AGBL1: variants seen among roughly 807,000 people sequenced by gnomAD.
AGBL1 encodes the protein AGBL carboxypeptidase 1, also known as cytosolic carboxypeptidase 4.
In AGBL1, 130 loss-of-function variants were observed where a neutral mutation model predicts 118.9. The observed-to-expected ratio is 1.09, with a 90% CI of 0.95 to 1.26. The LOEUF (loss-of-function observed/expected upper bound fraction) is 1.26. AGBL1 is among the 50% of genes most tolerant of loss of function. AGBL1 has a pLI of 0.00. For missense variants in AGBL1, 1,584 were observed against 1,298.1 expected, an observed-to-expected ratio of 1.22 and a Z score of -3.38; for synonymous variants, 555 against 478.9, an observed-to-expected ratio of 1.16 and a Z score of -2.08.
chr15:86,771,345 G>A (rs1036416030), intron 22 of AGBL1, among the ~76,000 whole-genome samples: 10 of 151,956 alleles, frequency 6.6e-5, no homozygotes, highest in African/African-American at 2.4e-4. Context: ...AAGGAAAAAG[G>A]GTTCAAAGTA....
chr15:86,625,386 T>G lies in AGBL1; in HGVS notation c.2995-48887T>G, dbSNP rs1167812086. Among the ~76,000 whole-genome samples, 316 of 44,866 alleles carry G rather than the reference T, an allele frequency of 7.0e-3. 6 individuals are homozygous for G. The highest frequency in any genetic ancestry group is 0.019 in the African/African-American group (290 of 15,220). The allele number at this position is 44,866 out of a possible 152,430, so 29.4% of individuals were successfully genotyped here. ...TAGCGTTTTTTTTTTTTTGTTTTTG[T>G]TTTTTTTTTTTTTTACAAACACAGA... On this transcript the variant is annotated intron_variant, in intron 21 of 22. Coordinates refer to ENST00000614907, the MANE Select transcript of AGBL1 (RefSeq NM_001386094.1).
chr15:86,101,879 A>T (rs1158348507), intron 1 of AGBL1, among the ~76,000 whole-genome samples: 1 of 152,092 alleles, frequency 6.6e-6, no homozygotes, highest in Non-Finnish European at 1.5e-5. Flanking sequence ...CAAGATTGTT[A>T]TTGATATGTG....
chr15:86,640,109 C>A (rs575358489), intron 21 of AGBL1, among the ~76,000 whole-genome samples: 12 of 152,232 alleles, frequency 7.9e-5, no homozygotes, highest in African/African-American at 2.9e-4. Context: ...TCAGCACCAT[C>A]ATCATCATCC....
chr15:86,094,215 G>T (rs1049864997), intron 1 of AGBL1, among the ~76,000 whole-genome samples: 1 of 151,962 alleles, frequency 6.6e-6, no homozygotes, highest in East Asian at 1.9e-4. Flanking sequence ...ATTAATTTTC[G>T]ACCAAAACTC....
Position 86,630,633 on chromosome 15 carries a change from C to T in AGBL1, c.2995-43640C>T, listed in dbSNP as rs1036517261. ...AGTTGTCTTAATTCCTTTCCCTTCT[C>T]TCACCTGAGCCAGAGGTGCATTTCA... On this transcript the variant is annotated intron_variant, in intron 21 of 22. Coordinates refer to ENST00000614907, the MANE Select transcript of AGBL1 (RefSeq NM_001386094.1). 2.0e-5 allele frequency: 3 copies of T among 152,384 alleles called. No homozygotes were observed. In the East Asian group the frequency reaches 5.8e-4, roughly 29 times the overall value. The allele number at this position is 152,384 out of a possible 1,614,324, so 9.4% of individuals were successfully genotyped here.
intron 17 of AGBL1, among the ~76,000 whole-genome samples, chr15:86,322,479 A>T (rs567341389): frequency 6.6e-6 from 1 of 152,288 alleles, no homozygotes; most frequent in South Asian, 2.1e-4. Flanking sequence ...GGGGACCAAT[A>T]CATGAAATTT....
chr15:86,926,211 C>A (rs2080537786), intron 23 of AGBL1, among the ~76,000 whole-genome samples: 1 of 152,176 alleles, frequency 6.6e-6, no homozygotes, highest in Admixed American at 6.5e-5. Context: ...CCTCTCCTTT[C>A]TATCTGCTGC....
At chr15:86,334,870 T>C (rs2080335492) in intron 17 of AGBL1, among the ~76,000 whole-genome samples, 1 of 151,662 alleles carries the variant, frequency 6.6e-6, no homozygotes, top group African/African-American at 2.4e-5. Flanking sequence ...ACCAAGACGA[T>C]GAAAGAAGCA....
chr15:86,895,410 T>A (rs192812517), intron 22 of AGBL1, among the ~76,000 whole-genome samples: 2,064 of 151,634 alleles, frequency 0.014, 50 homozygotes, highest in African/African-American at 0.048. Context: ...TTTTTTTTTT[T>A]AATTATTTTT....
intron 18 of AGBL1, among the ~76,000 whole-genome samples, chr15:86,479,704 A>C (rs903468091): frequency 6.6e-6 from 1 of 152,210 alleles, no homozygotes; most frequent in African/African-American, 2.4e-5. Flanking sequence ...AGAACTAGAA[A>C]TACCATTTGA....
intron 17 of AGBL1, among the ~76,000 whole-genome samples, chr15:86,300,123 A>G (rs1269940285): frequency 6.6e-6 from 1 of 152,130 alleles, no homozygotes; most frequent in Non-Finnish European, 1.5e-5. Context: ...ACATATTCCC[A>G]GATACCCCTC....
chr15:86,748,724 A>G (rs1033331158), intron 22 of AGBL1, among the ~76,000 whole-genome samples: 21 of 151,828 alleles, frequency 1.4e-4, no homozygotes, highest in Admixed American at 9.2e-4. Context: ...AGCTTTCTAC[A>G]TATGGCTAGT....
intron 1 of AGBL1, among the ~76,000 whole-genome samples, chr15:86,093,415 C>G (rs1896159666): frequency 1.3e-5 from 2 of 152,016 alleles, no homozygotes; most frequent in South Asian, 2.1e-4. Flanking sequence ...GGGTAAACAC[C>G]AGAAGAAATA....
At chr15:86,968,738 C>A (rs972113095) in intron 23 of AGBL1, among the ~76,000 whole-genome samples, 1 of 151,880 alleles carries the variant, frequency 6.6e-6, no homozygotes, top group East Asian at 1.9e-4. Context: ...ATGGCTTAGA[C>A]TAGGTAATTT....
chr15:87,006,947 G>A (rs1044485084), intron 24 of AGBL1, among the ~76,000 whole-genome samples: 3 of 152,146 alleles, frequency 2.0e-5, no homozygotes, highest in African/African-American at 7.2e-5. Context: ...CTTTAAGTAG[G>A]ATGGGTTTTG....
chr15:86,271,635 A>G lies in AGBL1; in HGVS notation c.2004A>G (p.Leu668=), dbSNP rs11858435. Residue 668 remains leucine (L), a synonymous_variant, in exon 15 of 23, where the codon CTA becomes CTG. Transcript: ENST00000614907. ...SQFNYGMQPT[L]YSVKEALLGK... The stretch of plus-strand genomic sequence containing the variant: ...TTTGTGTAGGGATGCAGCCCACCCT[A>G]TATTCTGTGAAGGAGGCTCTTCTTG... 0.67 allele frequency: 1,085,140 copies of G among 1,609,000 alleles called. 370,188 individuals are homozygous for G. Among genetic ancestry groups the G allele is most frequent in the African/African-American group, 0.85 (63,676 of 74,888 alleles).
intron 22 of AGBL1, among the ~76,000 whole-genome samples, chr15:86,794,121 A>G (rs2078536756): frequency 1.3e-5 from 2 of 152,246 alleles, no homozygotes; most frequent in Admixed American, 1.3e-4. Flanking sequence ...GGAATGGAAA[A>G]CATATGTTCA....
At chr15:86,331,825 A>G (rs1016648130) in intron 17 of AGBL1, among the ~76,000 whole-genome samples, 13 of 152,338 alleles carry the variant, frequency 8.5e-5, no homozygotes, top group African/African-American at 2.9e-4. Context: ...ACATAACTAT[A>G]CCTGCTATAC....
At chr15:86,746,046 T>C (rs2077751747) in intron 22 of AGBL1, among the ~76,000 whole-genome samples, 1 of 152,094 alleles carries the variant, frequency 6.6e-6, no homozygotes, top group South Asian at 2.1e-4. Flanking sequence ...TGGGGCTTCT[T>C]GTGGTTATGC....
Sources: gnomAD v4.1 joint callset for allele counts (sites outside exome capture counted in the v4.1 genomes callset) on GRCh38, gnomAD v4.1.1 for gene constraint, MANE v1.5 for transcripts, NCBI Gene and HGNC (gene_info 2026-07-23, HGNC 2026-07-21) for gene names.